Variants in COL19A1 observed in about 807,000 individuals in gnomAD.
COL19A1 encodes the protein collagen alpha-1(XIX) chain.
Under a neutral mutation model 190.2 loss-of-function variants are expected in COL19A1, and 159 were observed. That is an observed-to-expected ratio of 0.84 (90% confidence interval 0.73 to 0.95). COL19A1 has a LOEUF of 0.95. COL19A1 is among the 40% of genes least tolerant of loss of function. COL19A1 has a pLI of 0.00. For synonymous variants in COL19A1, 509 were observed against 458.9 expected, an observed-to-expected ratio of 1.11 and a Z score of -1.39; for missense variants, 1,418 against 1,431.9, an observed-to-expected ratio of 0.99 and a Z score of 0.16.
chr6:69,910,760 G>A (rs1263321933), intron 4 of COL19A1, among the ~76,000 whole-genome samples: 2 of 152,140 alleles, frequency 1.3e-5, no homozygotes, highest in Admixed American at 6.5e-5. Context: ...TCGCCTGGTA[G>A]GGTTGTGTGA....
At chr6:69,999,405 A>C (rs1396002094) in intron 11 of COL19A1, among the ~76,000 whole-genome samples, 1 of 152,064 alleles carries the variant, frequency 6.6e-6, no homozygotes, top group Non-Finnish European at 1.5e-5. Flanking sequence ...GTCATGGTGC[A>C]TGCCTGTGGT....
chr6:70,137,612 A>G (rs1338440583), intron 18 of COL19A1, 73 bp from the exon 19 acceptor site: 6 of 1,363,812 alleles, frequency 4.4e-6, no homozygotes, highest in Non-Finnish European at 2.1e-6. Context: ...GCAAGCAATC[A>G]TTCTGTATCT....
At chr6:69,949,264 A>C (rs551404361) in intron 9 of COL19A1, among the ~76,000 whole-genome samples, 1 of 151,948 alleles carries the variant, frequency 6.6e-6, no homozygotes, top group African/African-American at 2.4e-5. Flanking sequence ...TACCTATAGA[A>C]GCACTGAGTC....
chr6:70,052,057 T>C (rs959273112), intron 14 of COL19A1, among the ~76,000 whole-genome samples: 5 of 152,004 alleles, frequency 3.3e-5, no homozygotes, highest in African/African-American at 4.8e-5. Flanking sequence ...TCTGCTTGAT[T>C]TGAGGCATTA....
intron 17 of COL19A1, among the ~76,000 whole-genome samples, chr6:70,123,744 T>C (rs1785024164): frequency 7.0e-6 from 1 of 142,296 alleles, no homozygotes; most frequent in Non-Finnish European, 1.5e-5. Flanking sequence ...CACTCATAGG[T>C]GGGAATTGAA....
chr6:69,871,019 C>G (rs557089436), intron 1 of COL19A1, among the ~76,000 whole-genome samples: 43 of 152,140 alleles, frequency 2.8e-4, no homozygotes, highest in African/African-American at 1.0e-3. Flanking sequence ...CATGAGGTTT[C>G]TGTAGAATAT....
intron 12 of COL19A1, among the ~76,000 whole-genome samples, chr6:70,031,746 T>A (rs1342982241): frequency 6.6e-6 from 1 of 152,114 alleles, no homozygotes; most frequent in East Asian, 1.9e-4. Flanking sequence ...TTTGCTAGGA[T>A]CCTTCTGAAA....
intron 6 of COL19A1, 69 bp from the exon 7 acceptor site, chr6:69,932,714 G>T: frequency 1.3e-6 from 1 of 784,912 alleles, no homozygotes; most frequent in Non-Finnish European, 2.1e-6. Flanking sequence ...TTAAATTACT[G>T]TAGTTCTTAA....
In COL19A1 at chr6:70,142,082, T is replaced by C. The variant is rs755597273; in HGVS notation, c.1572+6T>C. 11 of 1,610,388 alleles carry C rather than the reference T, an allele frequency of 6.8e-6. No individual in the cohort carries two copies. Among genetic ancestry groups the C allele is most frequent in the African/African-American group, 1.3e-5 (1 of 74,870 alleles). On this transcript the variant is annotated splice_donor_region_variant and intron_variant, in intron 22 of 50. Transcript: ENST00000620364. ...TAGGAAGCCCAGGACTAAAGGTATA[T>C]AAGAAATAACTAAGATTTCTTGGGA...
intron 49 of COL19A1, among the ~76,000 whole-genome samples, chr6:70,202,072 G>A (rs610473): frequency 0.41 from 62,005 of 151,968 alleles, 13,605 homozygotes; most frequent in African/African-American, 0.57. Flanking sequence ...CTCGGATGCT[G>A]TTGTCTGAAT....
At chr6:70,029,277 C>A (rs994026477) in intron 12 of COL19A1, among the ~76,000 whole-genome samples, 1 of 151,934 alleles carries the variant, frequency 6.6e-6, no homozygotes, top group Non-Finnish European at 1.5e-5. Context: ...ATATGATATC[C>A]CATGAGTAGT....
chr6:69,916,961 G>A (rs1398389955), intron 4 of COL19A1, among the ~76,000 whole-genome samples: 3 of 152,178 alleles, frequency 2.0e-5, no homozygotes, highest in Non-Finnish European at 4.4e-5. Context: ...GTTATTTAAC[G>A]TCTGCAGCTT....
At chr6:70,158,746 G>A (rs9354907) in intron 34 of COL19A1, among the ~76,000 whole-genome samples, 81,895 of 151,848 alleles carry the variant, frequency 0.54, 23,341 homozygotes, top group African/African-American at 0.73. Context: ...GTAGCAACTG[G>A]GCTAGGATTT....
chr6:69,882,765 T>G (rs186167689), intron 2 of COL19A1, among the ~76,000 whole-genome samples: 6 of 152,348 alleles, frequency 3.9e-5, no homozygotes. Flanking sequence ...TAAGGTAGTT[T>G]TCTATTAATT....
intron 11 of COL19A1, chr6:69,973,805 A>T (rs2150057681): frequency 6.6e-6 from 1 of 152,342 alleles, no homozygotes; most frequent in East Asian, 1.9e-4. Flanking sequence ...GATGTCACCA[A>T]ATATTACATG....
chr6:70,137,493 C>T lies in COL19A1; in HGVS notation c.1384-192C>T, dbSNP rs9446206. Among the ~76,000 whole-genome samples the T allele has an allele frequency of 0.13, 19,671 of 152,114 alleles. 1,548 individuals are homozygous for T. The highest frequency in any genetic ancestry group is 0.22 in the African/African-American group (9,001 of 41,506). The stretch of plus-strand genomic sequence containing the variant: ...ATATGGATTTCTAAAAGACATAAAG[C>T]CATTGTGAAGTACTGACAAACACAT... On this transcript the variant is annotated intron_variant, in intron 18 of 50. Coordinates refer to ENST00000620364, the MANE Select transcript of COL19A1 (RefSeq NM_001858.6).
At chr6:70,152,017 CT>C (rs1287245741) in intron 31 of COL19A1, among the ~76,000 whole-genome samples, 2 of 61,666 alleles carry the variant, frequency 3.2e-5, no homozygotes, top group African/African-American at 2.7e-4. Flanking sequence ...ATCTTGCTAC[CT>C]CTTTTTTTTT....
At chr6:69,878,300 A>G (rs1052759028) in intron 1 of COL19A1, among the ~76,000 whole-genome samples, 4 of 151,238 alleles carry the variant, frequency 2.6e-5, no homozygotes, top group Non-Finnish European at 5.9e-5. Context: ...TGCAACCTCC[A>G]CCTCCCAGGT....
rs1035709366 is a variant in COL19A1 at position 70,146,782 on chromosome 6, T to C, written c.1816-30T>C. The C allele has an allele frequency of 1.9e-6, 3 of 1,590,478 alleles. No individual in the cohort carries two copies. In the African/African-American group the frequency reaches 4.1e-5, roughly 22 times the overall value. On this transcript the variant is annotated intron_variant, in intron 26 of 50. Coordinates refer to ENST00000620364, the MANE Select transcript of COL19A1 (RefSeq NM_001858.6). ...CAGAAAAATGTATGTCTCTTGAGCC[T>C]TGCAGTAACAGAAGCCTTTCATTTC...
Sources: allele counts gnomAD v4.1 joint callset (sites outside exome capture counted in the v4.1 genomes callset), GRCh38; gene constraint gnomAD v4.1.1; transcripts MANE v1.5; gene names NCBI Gene and HGNC (gene_info 2026-07-23, HGNC 2026-07-21).